The following ZNF536 variants were observed in gnomAD, a reference collection of about 807,000 sequenced individuals.
ZNF536 encodes the protein zinc finger protein 536.
Under a neutral mutation model 84.5 loss-of-function variants are expected in ZNF536, and 13 were observed. The observed-to-expected ratio is 0.15, with a 90% CI of 0.10 to 0.24. ZNF536 has a LOEUF of 0.24. Ranked by LOEUF, ZNF536 falls within the 10% of genes least tolerant of loss-of-function variation. ZNF536 has a pLI of 1.00. For synonymous variants in ZNF536, 811 were observed against 742.5 expected (o/e 1.09, Z -1.50); for missense variants, 1,536 against 1,747.5 (o/e 0.88, Z 2.16).
intron 1 of ZNF536, among the ~76,000 whole-genome samples, chr19:30,578,255 G>A (rs967424862): frequency 6.6e-6 from 1 of 152,238 alleles, no homozygotes; most frequent in African/African-American, 2.4e-5. Context: ...CTGACTCAGA[G>A]ACCTGATATT....
chr19:30,437,227 G>A (rs1486895844), intron 1 of ZNF536, among the ~76,000 whole-genome samples: 2 of 152,064 alleles, frequency 1.3e-5, no homozygotes, highest in East Asian at 1.9e-4. Flanking sequence ...GTAGCAGCTG[G>A]CATCTCTGGT....
chr19:30,494,945 CAAAAAAGAAAAA>C (rs2054657642), intron 2 of ZNF536, among the ~76,000 whole-genome samples: 2 of 69,954 alleles, frequency 2.9e-5, no homozygotes, highest in Non-Finnish European at 5.6e-5. Context: ...GACTCCGTCT[CAAAAAAGAAAAA>C]AAAAAAAAAA....
chr19:30,586,452 T>C (rs1415079416), intron 1 of ZNF536, among the ~76,000 whole-genome samples: 1 of 152,240 alleles, frequency 6.6e-6, no homozygotes, highest in Non-Finnish European at 1.5e-5. Flanking sequence ...GACAAATGCA[T>C]GTAACTGAAG....
chr19:30,239,478 T>C (rs1432670218), intron 1 of ZNF536, among the ~76,000 whole-genome samples: 3 of 152,198 alleles, frequency 2.0e-5, no homozygotes, highest in Non-Finnish European at 2.9e-5. Flanking sequence ...CTGGACCTTC[T>C]CTGCAAACGG....
chr19:30,535,040 G>A (rs764564058), intron 3 of ZNF536, 41 bp downstream of exon 3: 3 of 1,572,468 alleles, frequency 1.9e-6, no homozygotes, highest in East Asian at 4.6e-5. Flanking sequence ...GCCCAGAGAA[G>A]GAGGAGGTCC....
At chr19:30,249,448 G>T (rs1216896087) in intron 1 of ZNF536, among the ~76,000 whole-genome samples, 1 of 151,998 alleles carries the variant, frequency 6.6e-6, no homozygotes, top group Non-Finnish European at 1.5e-5. Flanking sequence ...CCCTTGCATT[G>T]TTTTTTTACT....
intron 2 of ZNF536, among the ~76,000 whole-genome samples, chr19:30,335,421 C>T (rs975478280): frequency 6.6e-6 from 1 of 152,210 alleles, no homozygotes; most frequent in Admixed American, 6.5e-5. Context: ...TCCTGTCTCA[C>T]GAGCATGTCA....
Position 30,312,986 on chromosome 19 carries a change from A to C in ZNF536, c.-120+28845A>C, listed in dbSNP as rs573845951. Reference sequence around the variant, plus strand: ...AGACATCATGATGGCCACACTTCCCATACTTCTCTCCTTCCTATCAAAGTG... The same window carrying C: ...AGACATCATGATGGCCACACTTCCCCTACTTCTCTCCTTCCTATCAAAGTG... On this transcript the variant is annotated intron_variant, in intron 2 of 5. Transcript: ENST00000585628. 5.4e-4 allele frequency among the ~76,000 whole-genome samples: 82 copies of C among 152,314 alleles called. 2 individuals are homozygous for C. In the South Asian group the frequency reaches 0.016, roughly 30 times the overall value.
chr19:30,576,573 G>T (rs1041246510), intron 1 of ZNF536, among the ~76,000 whole-genome samples: 59 of 152,290 alleles, frequency 3.9e-4, no homozygotes, highest in Admixed American at 5.9e-4. Context: ...CGCTAGTGGC[G>T]CTCATGTCTG....
rs549381080 is a variant in ZNF536, at chr19:30,385,890, G to A, written c.-3+13334G>A. On this transcript the variant is annotated intron_variant, in intron 1 of 4. Transcript: ENST00000355537. ...GAGCCACAGCCACATAGAGCATCTG[G>A]TGCTTAGTGGGACCCCATGGAGTTA... Among the ~76,000 whole-genome samples the A allele has an allele frequency of 1.5e-4, 23 of 152,324 alleles. No homozygotes were observed. The South Asian group carries it at 4.8e-3, about 32-fold the overall frequency.
At chr19:30,277,039 C>T (rs2026165679) in intron 1 of ZNF536, among the ~76,000 whole-genome samples, 1 of 152,176 alleles carries the variant, frequency 6.6e-6, no homozygotes, top group South Asian at 2.1e-4. Context: ...ATGTAAACTA[C>T]TTAGCTTGGA....
chr19:30,461,056 A>G (rs566163830), intron 2 of ZNF536, among the ~76,000 whole-genome samples: 1 of 152,286 alleles, frequency 6.6e-6, no homozygotes, highest in East Asian at 1.9e-4. Flanking sequence ...GGGGTTGGGC[A>G]TAGGGTGAGC....
intron 1 of ZNF536, among the ~76,000 whole-genome samples, chr19:30,639,450 T>C (rs1017277522): frequency 3.3e-5 from 5 of 152,196 alleles, no homozygotes; most frequent in African/African-American, 1.2e-4. Context: ...ATAGCACTTC[T>C]CAATTCTGAC....
chr19:30,531,938 G>T (rs895570720), intron 2 of ZNF536, among the ~76,000 whole-genome samples: 4 of 151,712 alleles, frequency 2.6e-5, no homozygotes, highest in African/African-American at 9.7e-5. Flanking sequence ...AGTGTCTATT[G>T]TCCCCACCTC....
At chr19:30,518,625 C>T (rs1304131226) in intron 2 of ZNF536, among the ~76,000 whole-genome samples, 1 of 152,208 alleles carries the variant, frequency 6.6e-6, no homozygotes, top group Non-Finnish European at 1.5e-5. Flanking sequence ...AATATTAGTG[C>T]AGAAGGACAT....
chr19:30,622,078 T>G (rs970432049), intron 1 of ZNF536, among the ~76,000 whole-genome samples: 3 of 152,210 alleles, frequency 2.0e-5, no homozygotes, highest in Non-Finnish European at 4.4e-5. Context: ...AAACGTCCAT[T>G]TCTCCTGCTG....
chr19:30,564,571 T>C (rs1457333524), intron 1 of ZNF536, among the ~76,000 whole-genome samples: 1 of 152,008 alleles, frequency 6.6e-6, no homozygotes, highest in Middle Eastern at 3.2e-3. Context: ...GCTCAGTGGC[T>C]GTGGGTAGGG....
intron 1 of ZNF536, among the ~76,000 whole-genome samples, chr19:30,684,746 G>A (rs1600257846): frequency 6.6e-6 from 1 of 152,186 alleles, no homozygotes; most frequent in African/African-American, 2.4e-5. Context: ...TTCAGGCAAG[G>A]GAGGGGGCTG....
intron 2 of ZNF536, among the ~76,000 whole-genome samples, chr19:30,475,375 G>A (rs1291847652): frequency 1.3e-5 from 2 of 152,118 alleles, no homozygotes; most frequent in African/African-American, 2.4e-5. Context: ...AAGCTGAGAG[G>A]GAGGATTCTT....
Sources: allele counts gnomAD v4.1 joint callset (sites outside exome capture counted in the v4.1 genomes callset), GRCh38; gene constraint gnomAD v4.1.1; transcripts MANE v1.5; gene names NCBI Gene and HGNC (gene_info 2026-07-23, HGNC 2026-07-21).